The following CDKAL1 variants were observed in gnomAD, a reference collection of about 807,000 sequenced individuals.
The protein encoded by CDKAL1 is threonylcarbamoyladenosine tRNA methylthiotransferase.
CDKAL1 carries 32 observed loss-of-function variants against 68.2 expected under a neutral mutation model. The observed-to-expected ratio is 0.47, with a 90% CI of 0.35 to 0.63. The LOEUF (loss-of-function observed/expected upper bound fraction) is 0.63. CDKAL1 is among the 30% of genes least tolerant of loss of function. CDKAL1 has a pLI of 0.00. For synonymous variants in CDKAL1, 234 were observed against 244.3 expected (o/e 0.96, Z 0.39); for missense variants, 606 against 696.7 (o/e 0.87, Z 1.47).
chr6:20,850,979 AT>A (rs1319689626), intron 9 of CDKAL1, among the ~76,000 whole-genome samples: 1 of 151,500 alleles, frequency 6.6e-6, no homozygotes, highest in Non-Finnish European at 1.5e-5. Context: ...TAGAAATGTA[AT>A]TTCTTTTGTA....
intron 4 of CDKAL1, among the ~76,000 whole-genome samples, chr6:20,639,504 T>A (rs566356471): frequency 6.6e-6 from 1 of 152,274 alleles, no homozygotes; most frequent in East Asian, 1.9e-4. Flanking sequence ...GCTCCAACCC[T>A]AGCTGGCTTA....
intron 4 of CDKAL1, among the ~76,000 whole-genome samples, chr6:20,577,072 G>C (rs1339173067): frequency 6.6e-6 from 1 of 152,074 alleles, no homozygotes; most frequent in Non-Finnish European, 1.5e-5. Context: ...ATTACAAGAG[G>C]ACTTCTGTCT....
At chr6:20,776,802 A>G (rs761903710) in intron 7 of CDKAL1, among the ~76,000 whole-genome samples, 6 of 152,214 alleles carry the variant, frequency 3.9e-5, no homozygotes, top group Non-Finnish European at 7.3e-5. Context: ...TGAACTTTGG[A>G]TAAAAACAGT....
chr6:20,621,082 T>C (rs1767171445), intron 4 of CDKAL1, among the ~76,000 whole-genome samples: 1 of 152,152 alleles, frequency 6.6e-6, no homozygotes, highest in Non-Finnish European at 1.5e-5. Flanking sequence ...ACCTTACTGC[T>C]GCCTCAGATT....
chr6:21,228,201 TATTC>T (rs777492007), intron 15 of CDKAL1, among the ~76,000 whole-genome samples: 3 of 152,152 alleles, frequency 2.0e-5, no homozygotes, highest in African/African-American at 4.8e-5. Context: ...CCTAATTTTG[TATTC>T]ATTATTTTTT....
intron 8 of CDKAL1, among the ~76,000 whole-genome samples, chr6:20,845,153 A>G (rs1039009009): frequency 7.2e-5 from 11 of 152,114 alleles, no homozygotes; most frequent in East Asian, 1.9e-4. Context: ...TAAAAGTACA[A>G]TTTTTCTCAA....
At chr6:20,780,673 T>TC (rs374292447) in intron 7 of CDKAL1, among the ~76,000 whole-genome samples, 1,346 of 40,278 alleles carry the variant, frequency 0.033, 39 homozygotes, top group Non-Finnish European at 0.051. Flanking sequence ...TCTTTTTCTT[T>TC]TTTTTTTTTT....
At chr6:20,732,959 AAAC>A (rs1773025071) in intron 5 of CDKAL1, among the ~76,000 whole-genome samples, 1 of 152,190 alleles carries the variant, frequency 6.6e-6, no homozygotes, top group Admixed American at 6.5e-5. Flanking sequence ...CAAAACATTT[AAAC>A]TAATCTTTCA....
At chr6:21,115,566 C>T (rs1357417206) in intron 13 of CDKAL1, among the ~76,000 whole-genome samples, 1 of 151,916 alleles carries the variant, frequency 6.6e-6, no homozygotes, top group African/African-American at 2.4e-5. Flanking sequence ...CATTTGTGCA[C>T]TTAACTCTAT....
At chr6:21,205,929 G>C (rs985784911) in intron 15 of CDKAL1, among the ~76,000 whole-genome samples, 1 of 143,632 alleles carries the variant, frequency 7.0e-6, no homozygotes, top group African/African-American at 2.7e-5. Flanking sequence ...CCGCCTCCCG[G>C]GTTCACGCCA....
In CDKAL1 at chr6:20,724,099, C is replaced by CT. The variant is rs965108927; in HGVS notation, c.372-15411dup. On this transcript the variant is annotated intron_variant, in intron 5 of 15. Transcript: ENST00000274695. ...AAGCATGTGCCACCACACCTGGATA[C>CT]TTTTTTTTTGTATTTTTTGGTAGAG... Among the ~76,000 whole-genome samples, 20 of 151,392 alleles carry CT rather than the reference C, an allele frequency of 1.3e-4. 1 individual carries two copies. Among genetic ancestry groups the CT allele is most frequent in the Non-Finnish European group, 2.5e-4 (17 of 67,788 alleles).
chr6:21,224,640 T>C (rs1367727640), intron 15 of CDKAL1, among the ~76,000 whole-genome samples: 1 of 152,140 alleles, frequency 6.6e-6, no homozygotes, highest in Non-Finnish European at 1.5e-5. Context: ...GGGCAAGGAA[T>C]CAGATTCTTC....
At chr6:20,771,364 G>C (rs1288508819) in intron 7 of CDKAL1, among the ~76,000 whole-genome samples, 1 of 152,160 alleles carries the variant, frequency 6.6e-6, no homozygotes, top group Non-Finnish European at 1.5e-5. Context: ...CTCTCATTTA[G>C]ATGTATTTAT....
chr6:21,207,426 C>T (rs1018687167), intron 15 of CDKAL1, among the ~76,000 whole-genome samples: 2 of 151,872 alleles, frequency 1.3e-5, no homozygotes, highest in South Asian at 2.1e-4. Context: ...CTTGGGAGGC[C>T]GAGGTGGGAG....
At position 20,544,698 on chromosome 6, in the gene CDKAL1, A is replaced by G. The variant is rs945336982; in HGVS notation, c.-5-1648A>G. On this transcript the variant is annotated intron_variant, in intron 2 of 15. Transcript: ENST00000274695. ...TATTAGTTTCTGTACATTTCCATAT[A>G]AAATTTAGGATAGTCTTATCTATAC... 3.3e-5 allele frequency among the ~76,000 whole-genome samples: 5 copies of G among 152,050 alleles called. No individual in the cohort carries two copies. In the South Asian group the frequency reaches 8.3e-4, roughly 25 times the overall value.
intron 10 of CDKAL1, among the ~76,000 whole-genome samples, chr6:20,971,187 A>G (rs1765580584): frequency 6.6e-6 from 1 of 152,204 alleles, no homozygotes; most frequent in Non-Finnish European, 1.5e-5. Context: ...TTAAGAACCA[A>G]ATCAAATATT....
At chr6:21,206,462 AAC>A (rs1778941953) in intron 15 of CDKAL1, among the ~76,000 whole-genome samples, 1 of 152,200 alleles carries the variant, frequency 6.6e-6, no homozygotes, top group Admixed American at 6.5e-5. Context: ...CCTATGTTAT[AAC>A]ACATCGCTTG....
At chr6:20,686,721 A>G (rs1204739297) in intron 5 of CDKAL1, among the ~76,000 whole-genome samples, 1 of 152,174 alleles carries the variant, frequency 6.6e-6, no homozygotes, top group East Asian at 1.9e-4. Flanking sequence ...GACATCCAGT[A>G]TGATATTGAA....
At chr6:21,192,344 C>G (rs924617160) in intron 13 of CDKAL1, among the ~76,000 whole-genome samples, 3 of 152,090 alleles carry the variant, frequency 2.0e-5, no homozygotes, top group African/African-American at 7.2e-5. Context: ...CATAAAATAT[C>G]TTTAAATAAC....
Sources: gnomAD v4.1 joint callset for allele counts (sites outside exome capture counted in the v4.1 genomes callset) on GRCh38, gnomAD v4.1.1 for gene constraint, MANE v1.5 for transcripts, NCBI Gene and HGNC (gene_info 2026-07-23, HGNC 2026-07-21) for gene names.